EGLN3: variants seen among roughly 807,000 people sequenced by gnomAD.
The protein encoded by EGLN3 is prolyl hydroxylase EGLN3.
In EGLN3, 15 loss-of-function variants were observed where a neutral mutation model predicts 26.0. That is an observed-to-expected ratio of 0.58 (90% CI 0.39 to 0.89). The LOEUF is 0.89. Among genes scored for constraint, EGLN3 ranks in the 40% least tolerant of loss-of-function variants. The probability of loss-of-function intolerance (pLI) is 0.00; values close to 1 mark genes in which losing one functional copy is unlikely to be tolerated. For synonymous variants in EGLN3, 147 were observed against 127.2 expected, an observed-to-expected ratio of 1.16 and a Z score of -1.05; for missense variants, 238 against 311.6, an observed-to-expected ratio of 0.76 and a Z score of 1.78.
intron 4 of EGLN3, among the ~76,000 whole-genome samples, chr14:33,926,545 G>A (rs1395351400): frequency 2.6e-5 from 4 of 152,078 alleles, no homozygotes; most frequent in Admixed American, 6.5e-5. Context: ...GTTATATTCA[G>A]TTTATATTAC....
At chr14:33,936,408 C>T (rs1400698133) in intron 1 of EGLN3, among the ~76,000 whole-genome samples, 3 of 151,922 alleles carry the variant, frequency 2.0e-5, no homozygotes, top group Non-Finnish European at 4.4e-5. Flanking sequence ...ACAAACTTGC[C>T]AATGTTTTTA....
chr14:33,935,397 T>C (rs554238774), intron 1 of EGLN3, among the ~76,000 whole-genome samples: 2 of 152,260 alleles, frequency 1.3e-5, no homozygotes, highest in South Asian at 4.2e-4. Context: ...TAACAAATGA[T>C]TGAAGCCAAT....
At chr14:33,936,718 C>A (rs762037455) in intron 1 of EGLN3, among the ~76,000 whole-genome samples, 1 of 149,866 alleles carries the variant, frequency 6.7e-6, no homozygotes, top group East Asian at 2.0e-4. Flanking sequence ...ACCAAAAAAA[C>A]GTTTAGGTAT....
At chr14:33,938,770 T>C (rs1335659501) in intron 1 of EGLN3, among the ~76,000 whole-genome samples, 1 of 152,216 alleles carries the variant, frequency 6.6e-6, no homozygotes, top group Non-Finnish European at 1.5e-5. Flanking sequence ...CGGTGGCATT[T>C]TGCACATATC....
At chr14:33,947,664 A>C (rs1039384458) in intron 1 of EGLN3, among the ~76,000 whole-genome samples, 4 of 152,218 alleles carry the variant, frequency 2.6e-5, no homozygotes, top group African/African-American at 9.6e-5. Context: ...ACAAATGTAC[A>C]TATTGGCAAT....
chr14:33,941,548 T>C lies in EGLN3; in HGVS notation c.357+8848A>G, dbSNP rs572021856. ...CACCCATCTTCCCCCGTCATTCCCC[T>C]CTATCCCCCCCAAAAAAAATTCTAG... is the stretch of plus-strand genomic sequence containing the variant. On this transcript the variant is annotated intron_variant, in intron 1 of 4. Coordinates refer to ENST00000250457, the MANE Select transcript of EGLN3 (RefSeq NM_022073.4). 1.5e-3 allele frequency among the ~76,000 whole-genome samples: 210 copies of C among 142,272 alleles called. 1 individual carries two copies. Among genetic ancestry groups the C allele is most frequent in the African/African-American group, 5.2e-3 (204 of 39,318 alleles). The allele number at this position is 142,272 out of a possible 152,430, so 93.3% of individuals were successfully genotyped here.
intron 1 of EGLN3, among the ~76,000 whole-genome samples, chr14:33,939,297 G>A (rs2064465457): frequency 6.6e-6 from 1 of 151,416 alleles, no homozygotes; most frequent in Non-Finnish European, 1.5e-5. Flanking sequence ...TGCAAGCTCT[G>A]CCTCCCGGGT....
At chr14:33,942,986 G>A (rs1045805087) in intron 1 of EGLN3, among the ~76,000 whole-genome samples, 2 of 152,056 alleles carry the variant, frequency 1.3e-5, no homozygotes, top group Non-Finnish European at 2.9e-5. Flanking sequence ...GCAAACCCAG[G>A]GTCTGTAAGG....
intron 2 of EGLN3, among the ~76,000 whole-genome samples, chr14:33,930,296 G>A (rs1026947220): frequency 6.6e-6 from 1 of 152,194 alleles, no homozygotes; most frequent in Non-Finnish European, 1.5e-5. Context: ...ACCAAACAGG[G>A]AGAAGAGATA....
chr14:33,950,919 C>T lies in EGLN3; in HGVS notation c.-167G>A. 1 of 664,098 alleles carries T rather than the reference C, an allele frequency of 1.5e-6. No individual in the cohort carries two copies. The highest frequency in any genetic ancestry group is 2.6e-5 in the East Asian group (1 of 38,942). 41.1% of individuals were successfully genotyped at this position (664,098 alleles called of 1,614,324 possible). On this transcript the variant is annotated 5_prime_UTR_variant, in exon 1 of 5. Transcript: ENST00000250457. ...GTCGGGGACAAGGGAAAGTTTCTCG[C>T]AACTCTCGGGAGAAGGGATCTGCCT...
At chr14:33,950,209 C>A in intron 1 of EGLN3, 187 bp downstream of exon 1, 1 of 633,742 alleles carries the variant, frequency 1.6e-6, no homozygotes. Flanking sequence ...AGCCCCTTAA[C>A]GTTGACTTTC....
intron 1 of EGLN3, among the ~76,000 whole-genome samples, chr14:33,943,930 T>C (rs1050676548): frequency 6.6e-6 from 1 of 152,202 alleles, no homozygotes; most frequent in African/African-American, 2.4e-5. Flanking sequence ...AGGGAAATCA[T>C]TCATGATACT....
chr14:33,931,810 G>A (rs1334517101), intron 1 of EGLN3, among the ~76,000 whole-genome samples: 1 of 152,170 alleles, frequency 6.6e-6, no homozygotes, highest in African/African-American at 2.4e-5. Context: ...AGACAACACA[G>A]GGAGATTCCT....
At chr14:33,932,786 G>A (rs2064413684) in intron 1 of EGLN3, among the ~76,000 whole-genome samples, 1 of 152,202 alleles carries the variant, frequency 6.6e-6, no homozygotes, top group South Asian at 2.1e-4. Context: ...TTTAACAAAT[G>A]ATGGTACCAC....
Position 33,926,941 on chromosome 14 carries a change from A to C in EGLN3, c.688+19T>G. On this transcript the variant is annotated intron_variant, in intron 4 of 4. Coordinates refer to ENST00000250457, the MANE Select transcript of EGLN3 (RefSeq NM_022073.4). ...GGATTAACTTGATCAAAAGTCACAG[A>C]AAATTATCAAACACATACTAGTTAA... The C allele has an allele frequency of 6.3e-7, 1 of 1,580,888 alleles. No individual in the cohort carries two copies. The highest frequency in any genetic ancestry group is 8.6e-7 in the Non-Finnish European group (1 of 1,158,534).
chr14:33,930,552 ATCTATAAGT>A (rs756937217), intron 2 of EGLN3, among the ~76,000 whole-genome samples: 7 of 152,028 alleles, frequency 4.6e-5, no homozygotes, highest in Non-Finnish European at 8.8e-5. Context: ...ATCTCCATCT[ATCTATAAGT>A]TCTATAATAC....
rs2064472729 is a variant in EGLN3, at chr14:33,940,210, G to T, written c.358-8995C>A. Among the ~76,000 whole-genome samples, 6 of 152,236 alleles carry T rather than the reference G, an allele frequency of 3.9e-5. No individual in the cohort carries two copies. The South Asian group carries it at 1.2e-3, about 32-fold the overall frequency. On this transcript the variant is annotated intron_variant, in intron 1 of 4. Transcript: ENST00000250457. ...CCACCATAAAATCTCTGTAGCCCCT[G>T]CAGGGTCCACATAGGCCTCAAATGC...
Position 33,929,209 on chromosome 14 carries a change from G to A in EGLN3, c.481C>T (p.His161Tyr), listed in dbSNP as rs751242879. The A allele has an allele frequency of 6.2e-7, 1 of 1,613,982 alleles. No homozygotes were observed. Among genetic ancestry groups the A allele is most frequent in the Non-Finnish European group, 8.5e-7 (1 of 1,179,974 alleles). ...GGAAATATCCGCAGGATCCCACCATGTAGCTGAAAGACACAAAGAAGGGGG... is the reference window on the plus strand; with the variant it reads ...GGAAATATCCGCAGGATCCCACCATATAGCTGAAAGACACAAAGAAGGGGG... ...YLNKNWDAKL[H>Y]GGILRIFPEG... The change falls in exon 3 of 5, where the codon CAT (histidine) becomes TAT (tyrosine). Residue 161 changes from histidine to tyrosine, a missense_variant. Transcript: ENST00000250457.
intron 4 of EGLN3, among the ~76,000 whole-genome samples, 196 bp downstream of exon 4, chr14:33,926,764 G>A (rs2064365067): frequency 6.6e-6 from 1 of 152,068 alleles, no homozygotes; most frequent in African/African-American, 2.4e-5. Context: ...GCATTCTCAG[G>A]GGAAGCCCCT....
Sources: gnomAD v4.1 joint callset for allele counts (sites outside exome capture counted in the v4.1 genomes callset) on GRCh38, gnomAD v4.1.1 for gene constraint, MANE v1.5 for transcripts, NCBI Gene and HGNC (gene_info 2026-07-23, HGNC 2026-07-21) for gene names.